Variants in PDE6C observed in about 807,000 individuals in gnomAD.
The protein encoded by PDE6C is cone cGMP-specific 3',5'-cyclic phosphodiesterase subunit alpha'.
In PDE6C, 75 loss-of-function variants were observed where a neutral mutation model predicts 113.1. That is an observed-to-expected ratio of 0.66 (90% CI 0.55 to 0.80). The LOEUF is 0.80. Ranked by LOEUF, PDE6C falls within the 30% of genes least tolerant of loss-of-function variation. The pLI is 0.00. For missense variants in PDE6C, 912 were observed against 1,038.6 expected (o/e 0.88, Z 1.67); for synonymous variants, 375 against 363.7 (o/e 1.03, Z -0.35).
Position 93,612,836 on chromosome 10 carries a change from CA to C in PDE6C, c.113del (p.Lys38ArgfsTer16), listed in dbSNP as rs747195950. 1 of 1,614,154 alleles carries C rather than the reference CA, an allele frequency of 6.2e-7. No individual in the cohort carries two copies. The highest frequency in any genetic ancestry group is 1.1e-5 in the South Asian group (1 of 91,082). On this transcript the variant is annotated frameshift_variant, in exon 1 of 22. Transcript: ENST00000371447. LOFTEE classifies it high-confidence loss of function. ...GGGTGGAGGTGCTGGGAGAAATCTT[CA>C]AGAACAGCCAGGTGCCAGTCCAGTC... Reference protein sequence around the residue: ...LRVEVLGEIFKNSQVPVQSSM... With the variant: ...LRVEVLGEIFXNSQVPVQSSM...
intron 1 of PDE6C, among the ~76,000 whole-genome samples, chr10:93,613,941 T>A (rs1409698186): frequency 1.3e-5 from 2 of 152,202 alleles, no homozygotes; most frequent in Non-Finnish European, 2.9e-5. Context: ...ATGCCCCTTA[T>A]AGAAATAGAA....
chr10:93,634,983 T>C, intron 9 of PDE6C, 76 bp downstream of exon 9: 1 of 1,491,788 alleles, frequency 6.7e-7, no homozygotes, highest in Non-Finnish European at 9.3e-7. Flanking sequence ...TTTGTTATTC[T>C]GGAATGATAT....
At chr10:93,628,225 G>C (rs2058483104) in intron 7 of PDE6C, among the ~76,000 whole-genome samples, 1 of 149,690 alleles carries the variant, frequency 6.7e-6, no homozygotes, top group Admixed American at 6.6e-5. Flanking sequence ...AACCTCTTTA[G>C]GCTTCCATTT....
chr10:93,638,920 C>A (rs950174312), intron 11 of PDE6C, among the ~76,000 whole-genome samples: 1 of 152,170 alleles, frequency 6.6e-6, no homozygotes. Flanking sequence ...TAGCTATATA[C>A]CATTCGGTGT....
At chr10:93,619,545 G>A (rs2058435430) in intron 1 of PDE6C, among the ~76,000 whole-genome samples, 1 of 152,160 alleles carries the variant, frequency 6.6e-6, no homozygotes, top group African/African-American at 2.4e-5. Context: ...CCCTGCCTCA[G>A]CCTCCTGAGT....
At chr10:93,630,030 C>T (rs896109160) in intron 8 of PDE6C, among the ~76,000 whole-genome samples, 2 of 152,176 alleles carry the variant, frequency 1.3e-5, no homozygotes, top group African/African-American at 4.8e-5. Context: ...CTACCTCCTA[C>T]ATCCTGAATC....
chr10:93,612,666 C>T lies in PDE6C; in HGVS notation c.-60C>T. The stretch of plus-strand genomic sequence containing the variant: ...GATGAATTTCCTTCTCATCACTCTG[C>T]CTCAGGTAGTGCTCTGAAGGTCGTC... On this transcript the variant is annotated 5_prime_UTR_variant, in exon 1 of 22. Coordinates refer to ENST00000371447, the MANE Select transcript of PDE6C (RefSeq NM_006204.4). 1 of 1,609,542 alleles carries T rather than the reference C, an allele frequency of 6.2e-7. No homozygotes were observed. The highest frequency in any genetic ancestry group is 8.5e-7 in the Non-Finnish European group (1 of 1,178,360).
intron 4 of PDE6C, among the ~76,000 whole-genome samples, chr10:93,622,992 T>A (rs2058455891): frequency 6.6e-6 from 1 of 152,148 alleles, no homozygotes. Flanking sequence ...AAATACCGAA[T>A]AGGGCAATTG....
At chr10:93,635,403 G>A in intron 9 of PDE6C, 94 bp from the exon 10 acceptor site, 3 of 938,456 alleles carry the variant, frequency 3.2e-6, no homozygotes, top group South Asian at 2.7e-5. Flanking sequence ...GTTGATGATG[G>A]AAGGGAGATG....
intron 4 of PDE6C, among the ~76,000 whole-genome samples, chr10:93,624,216 A>G (rs2058461551): frequency 6.6e-6 from 1 of 152,086 alleles, no homozygotes; most frequent in Admixed American, 6.6e-5. Context: ...AAAATAACTA[A>G]CGATACCATA....
chr10:93,626,561 T>C, intron 5 of PDE6C, 79 bp from the exon 6 acceptor site: 2 of 815,024 alleles, frequency 2.5e-6, no homozygotes, highest in Non-Finnish European at 4.2e-6. Flanking sequence ...TGTAAGAGTT[T>C]TAAAGTACAA....
chr10:93,658,798 A>G, intron 16 of PDE6C, 103 bp from the exon 17 acceptor site: 1 of 747,346 alleles, frequency 1.3e-6, no homozygotes, highest in Non-Finnish European at 2.4e-6. Context: ...TGTGGACATC[A>G]CAATGCAAAG....
At chr10:93,617,775 A>G (rs2058426601) in intron 1 of PDE6C, among the ~76,000 whole-genome samples, 1 of 152,056 alleles carries the variant, frequency 6.6e-6, no homozygotes, top group South Asian at 2.1e-4. Context: ...ACTCTGTCTC[A>G]AAAAAAAGAA....
chr10:93,614,505 C>G (rs1178336946), intron 1 of PDE6C, among the ~76,000 whole-genome samples: 2 of 152,194 alleles, frequency 1.3e-5, no homozygotes, highest in African/African-American at 4.8e-5. Context: ...GGGCAAAGTT[C>G]TCTAGACAAC....
chr10:93,625,665 T>C lies in PDE6C; in HGVS notation c.939+16T>C. On this transcript the variant is annotated intron_variant, in intron 5 of 21. Transcript: ENST00000371447. ...TGATGGCAGGGTACGTGCAAATGTC[T>C]TCCTTGATGCCATCTGTGCATGGTG... is the stretch of plus-strand genomic sequence containing the variant. 1 of 1,565,800 alleles carries C rather than the reference T, an allele frequency of 6.4e-7. No homozygotes were observed. Among genetic ancestry groups the C allele is most frequent in the Non-Finnish European group, 8.8e-7 (1 of 1,136,310 alleles).
rs1037718322 is a variant in PDE6C, at chr10:93,663,690, T to C, written c.2518+512T>C. ...AATTGCCGGTCTCCCAAATGTCTCATTGGGAGATGTTTTTCTGGCATGAGA... is the reference window on the plus strand; with the variant it reads ...AATTGCCGGTCTCCCAAATGTCTCACTGGGAGATGTTTTTCTGGCATGAGA... On this transcript the variant is annotated intron_variant, in intron 21 of 21. Coordinates refer to ENST00000371447, the MANE Select transcript of PDE6C (RefSeq NM_006204.4). Among the ~76,000 whole-genome samples the C allele has an allele frequency of 9.6e-4, 127 of 132,744 alleles. 1 individual carries two copies. The highest frequency in any genetic ancestry group is 3.1e-3 in the African/African-American group (116 of 37,454). 87.1% of individuals were successfully genotyped at this position (132,744 alleles called of 152,430 possible).
intron 15 of PDE6C, among the ~76,000 whole-genome samples, chr10:93,654,950 G>A (rs2058629686): frequency 6.6e-6 from 1 of 151,522 alleles, no homozygotes; most frequent in African/African-American, 2.4e-5. Flanking sequence ...TGGGACCCCA[G>A]GCACATACCA....
intron 1 of PDE6C, among the ~76,000 whole-genome samples, chr10:93,619,390 A>G (rs1196179818): frequency 6.6e-6 from 1 of 152,154 alleles, no homozygotes; most frequent in East Asian, 1.9e-4. Flanking sequence ...GTCCTTTCAC[A>G]CAGGGTCAGT....
At chr10:93,635,905 A>G (rs982977473) in intron 10 of PDE6C, among the ~76,000 whole-genome samples, 4 of 152,072 alleles carry the variant, frequency 2.6e-5, no homozygotes, top group African/African-American at 7.2e-5. Flanking sequence ...AAATATATAT[A>G]TTTTAGGAAG....
Sources: allele counts gnomAD v4.1 joint callset (sites outside exome capture counted in the v4.1 genomes callset), GRCh38; gene constraint gnomAD v4.1.1; transcripts MANE v1.5; gene names NCBI Gene and HGNC (gene_info 2026-07-23, HGNC 2026-07-21).